The following FRMD4B variants were observed in gnomAD, a reference collection of about 807,000 sequenced individuals.
FRMD4B encodes the protein FERM domain-containing protein 4B.
A neutral mutation model predicts 141.5 loss-of-function variants in FRMD4B; 74 were observed. The observed-to-expected ratio is 0.52, with a 90% CI of 0.43 to 0.63. The LOEUF is 0.63. FRMD4B is among the 30% of genes least tolerant of loss of function. FRMD4B has a pLI of 0.00. For missense variants in FRMD4B, 1,366 were observed against 1,253.4 expected (o/e 1.09, Z -1.36); for synonymous variants, 506 against 467.9 (o/e 1.08, Z -1.05).
At chr3:69,485,909 G>T (rs568435619) in intron 1 of FRMD4B, among the ~76,000 whole-genome samples, 1 of 152,348 alleles carries the variant, frequency 6.6e-6, no homozygotes, top group Admixed American at 6.5e-5. Flanking sequence ...AAGGCCCATC[G>T]CTGCCATCAC....
At chr3:69,182,850 C>T (rs562925092) in intron 19 of FRMD4B, 133 bp from the exon 20 acceptor site, 2 of 804,124 alleles carry the variant, frequency 2.5e-6, no homozygotes, top group African/African-American at 3.5e-5. Flanking sequence ...GGAAGAGTGT[C>T]TTTGTGGTTC....
intron 11 of FRMD4B, among the ~76,000 whole-genome samples, chr3:69,214,069 A>G (rs1413992064): frequency 1.3e-5 from 2 of 152,188 alleles, no homozygotes; most frequent in East Asian, 3.9e-4. Context: ...CAGAGGGGAT[A>G]TGGCTTTCCC....
chr3:69,431,947 T>C (rs1466425192), intron 2 of FRMD4B, among the ~76,000 whole-genome samples: 1 of 152,232 alleles, frequency 6.6e-6, no homozygotes, highest in Non-Finnish European at 1.5e-5. Context: ...GAGCATCTCA[T>C]GAAGAAACAT....
intron 1 of FRMD4B, among the ~76,000 whole-genome samples, chr3:69,491,944 G>T (rs1286020426): frequency 6.6e-6 from 1 of 152,202 alleles, no homozygotes; most frequent in Non-Finnish European, 1.5e-5. Flanking sequence ...AACAACCGGA[G>T]ATCAGAGATT....
chr3:69,225,819 A>G (rs2093249154), intron 7 of FRMD4B, among the ~76,000 whole-genome samples: 1 of 151,926 alleles, frequency 6.6e-6, no homozygotes. Flanking sequence ...TCTATGAGGA[A>G]ATGAACATGA....
At chr3:69,422,466 G>A (rs1704998070) in intron 2 of FRMD4B, among the ~76,000 whole-genome samples, 1 of 151,808 alleles carries the variant, frequency 6.6e-6, no homozygotes. Context: ...CCCCTCCCCT[G>A]CTAGGTGAGA....
intron 2 of FRMD4B, among the ~76,000 whole-genome samples, chr3:69,413,089 T>C (rs950049288): frequency 1.3e-5 from 2 of 152,102 alleles, no homozygotes; most frequent in Admixed American, 1.3e-4. Flanking sequence ...ATACTCTTGA[T>C]ACGCAGCACA....
rs1701863060 is a variant in FRMD4B, at chr3:69,318,018, C to A, written c.163-4501G>T. ...AGATAGTCTCACTCTGTCACCCAGG[C>A]TGGAATGCAGAGGCACAAAGGTGGC... is the stretch of plus-strand genomic sequence containing the variant. On this transcript the variant is annotated intron_variant, in intron 1 of 22. Coordinates refer to ENST00000398540, the MANE Select transcript of FRMD4B (RefSeq NM_015123.3). 2.0e-5 allele frequency among the ~76,000 whole-genome samples: 3 copies of A among 152,144 alleles called. No homozygotes were observed. The South Asian group carries it at 6.2e-4, about 32-fold the overall frequency.
At chr3:69,370,200 C>T (rs1368821998) in intron 1 of FRMD4B, among the ~76,000 whole-genome samples, 1 of 151,040 alleles carries the variant, frequency 6.6e-6, no homozygotes, top group Non-Finnish European at 1.5e-5. Context: ...ATGGGAAAGA[C>T]CTGAGACAGG....
At chr3:69,306,147 T>C (rs1358229819) in intron 3 of FRMD4B, among the ~76,000 whole-genome samples, 2 of 152,216 alleles carry the variant, frequency 1.3e-5, no homozygotes, top group Non-Finnish European at 2.9e-5. Context: ...GAAGAATTTT[T>C]TAAAAAATGC....
intron 1 of FRMD4B, among the ~76,000 whole-genome samples, chr3:69,456,708 T>C (rs1208551319): frequency 6.6e-6 from 1 of 151,302 alleles, no homozygotes; most frequent in Non-Finnish European, 1.5e-5. Context: ...TACAAGACAG[T>C]TTACGTAGTA....
intron 20 of FRMD4B, among the ~76,000 whole-genome samples, 200 bp downstream of exon 20, chr3:69,182,397 AT>A (rs2092717305): frequency 6.6e-6 from 1 of 152,230 alleles, no homozygotes; most frequent in Non-Finnish European, 1.5e-5. Context: ...GGTACTAAAA[AT>A]CTAATGTATA....
At chr3:69,519,785 C>T (rs1005555945) in intron 1 of FRMD4B, among the ~76,000 whole-genome samples, 25 of 151,868 alleles carry the variant, frequency 1.6e-4, no homozygotes, top group African/African-American at 6.0e-4. Flanking sequence ...TTTTATCCCT[C>T]ACCCCCTCCC....
chr3:69,524,805 T>C (rs1047651393), intron 1 of FRMD4B, among the ~76,000 whole-genome samples: 1 of 152,142 alleles, frequency 6.6e-6, no homozygotes, highest in Non-Finnish European at 1.5e-5. Context: ...GCCACACCAG[T>C]GATAAAGAAG....
At chr3:69,458,779 A>C (rs898928015) in intron 1 of FRMD4B, among the ~76,000 whole-genome samples, 2 of 149,148 alleles carry the variant, frequency 1.3e-5, no homozygotes, top group Admixed American at 6.8e-5. Flanking sequence ...TACTCTTATT[A>C]CCTGGGTAGA....
At chr3:69,386,572 AG>A (rs1292789837), upstream of FRMD4B, among the ~76,000 whole-genome samples, 8 of 85,288 alleles carry the variant, frequency 9.4e-5, no homozygotes, top group East Asian at 3.9e-4. Context: ...AGAGAGAGAG[AG>A]AAAAAAAAAA....
intron 1 of FRMD4B, among the ~76,000 whole-genome samples, chr3:69,465,084 G>C (rs565455224): frequency 6.6e-6 from 1 of 152,256 alleles, no homozygotes; most frequent in South Asian, 2.1e-4. Context: ...ACTTTGGGAG[G>C]CCAAGGCAGG....
chr3:69,446,290 T>C (rs919159203), intron 1 of FRMD4B, among the ~76,000 whole-genome samples: 1 of 152,012 alleles, frequency 6.6e-6, no homozygotes, highest in African/African-American at 2.4e-5. Flanking sequence ...CCTCATAAAG[T>C]GCTGGGTTTG....
chr3:69,274,817 C>G (rs956013375), intron 5 of FRMD4B, among the ~76,000 whole-genome samples: 2 of 152,184 alleles, frequency 1.3e-5, no homozygotes, highest in African/African-American at 4.8e-5. Context: ...CTGCACCCAG[C>G]CTATTTGTTG....
Sources: allele counts gnomAD v4.1 joint callset (sites outside exome capture counted in the v4.1 genomes callset), GRCh38; gene constraint gnomAD v4.1.1; transcripts MANE v1.5; gene names NCBI Gene and HGNC (gene_info 2026-07-23, HGNC 2026-07-21).